The following NHEJ1 variants were observed in gnomAD, a reference collection of about 807,000 sequenced individuals.
NHEJ1 encodes the protein non-homologous end joining factor 1.
Under a neutral mutation model 39.4 loss-of-function variants are expected in NHEJ1, and 22 were observed. That is an observed-to-expected ratio of 0.56 (90% CI 0.40 to 0.80). NHEJ1 has a LOEUF of 0.80. Ranked by LOEUF, NHEJ1 falls within the 30% of genes least tolerant of loss-of-function variation. The pLI is 0.00. For synonymous variants in NHEJ1, 154 were observed against 135.6 expected (o/e 1.14, Z -0.94); for missense variants, 329 against 357.1 (o/e 0.92, Z 0.63).
At chr2:219,120,328 A>C (rs988379824) in intron 5 of NHEJ1, among the ~76,000 whole-genome samples, 6 of 152,240 alleles carry the variant, frequency 3.9e-5, no homozygotes, top group Admixed American at 1.3e-4. Context: ...AGGATCATTT[A>C]TCTGACTCAA....
intron 5 of NHEJ1, among the ~76,000 whole-genome samples, chr2:219,101,838 G>C (rs970203226): frequency 1.3e-5 from 2 of 151,478 alleles, no homozygotes; most frequent in African/African-American, 4.9e-5. Flanking sequence ...CAATTCCCCT[G>C]CCTCAGCCTC....
At chr2:219,097,245 C>T (rs1401073379) in intron 5 of NHEJ1, among the ~76,000 whole-genome samples, 1 of 152,108 alleles carries the variant, frequency 6.6e-6, no homozygotes, top group Non-Finnish European at 1.5e-5. Flanking sequence ...GATGTAACCC[C>T]ATCATAAGTC....
At chr2:219,114,836 C>T (rs1325370004) in intron 5 of NHEJ1, among the ~76,000 whole-genome samples, 2 of 152,030 alleles carry the variant, frequency 1.3e-5, no homozygotes, top group Non-Finnish European at 2.9e-5. Flanking sequence ...CTCTGAAGTC[C>T]CTAGAGAGGC....
intron 5 of NHEJ1, among the ~76,000 whole-genome samples, chr2:219,113,743 C>T (rs1326635092): frequency 6.6e-6 from 1 of 152,164 alleles, no homozygotes; most frequent in East Asian, 1.9e-4. Flanking sequence ...GCCTAAGATC[C>T]TTGGCAAACC....
chr2:219,145,040 C>T (rs1452773818), intron 5 of NHEJ1, among the ~76,000 whole-genome samples: 1 of 152,040 alleles, frequency 6.6e-6, no homozygotes, highest in African/African-American at 2.4e-5. Flanking sequence ...CATGGCGAAA[C>T]CCCGTTTCTA....
In NHEJ1 at chr2:219,076,214, C is replaced by T; in HGVS notation, c.*167G>A. 2.1e-6 allele frequency: 3 copies of T among 1,458,206 alleles called. No homozygotes were observed. The highest frequency in any genetic ancestry group is 2.8e-5 in the African/African-American group (2 of 71,086). 90.3% of individuals were successfully genotyped at this position (1,458,206 alleles called of 1,614,324 possible). ...CTGGCTTCCACTTGAACAGGGAAGG[C>T]CAATTCCCTGTGGGCCTGTCAACAT... On this transcript the variant is annotated 3_prime_UTR_variant, in exon 8 of 8. Coordinates refer to ENST00000356853, the MANE Select transcript of NHEJ1 (RefSeq NM_024782.3).
intron 3 of NHEJ1, among the ~76,000 whole-genome samples, chr2:219,154,306 A>G (rs6436119): frequency 0.12 from 18,660 of 152,226 alleles, 1,129 homozygotes; most frequent in East Asian, 0.15. Context: ...TCGTATGAAG[A>G]TATATATACA....
intron 5 of NHEJ1, among the ~76,000 whole-genome samples, chr2:219,109,333 C>A (rs187240705): frequency 5.4e-4 from 82 of 152,326 alleles, no homozygotes; most frequent in Admixed American, 1.3e-3. Flanking sequence ...GGTCCCAAAT[C>A]TTTCCTCCCA....
chr2:219,080,814 G>A (rs562653766), intron 5 of NHEJ1, among the ~76,000 whole-genome samples: 35 of 151,820 alleles, frequency 2.3e-4, no homozygotes, highest in African/African-American at 8.2e-4. Flanking sequence ...CTGAGCTCAC[G>A]GTAGAGGCTC....
intron 5 of NHEJ1, among the ~76,000 whole-genome samples, chr2:219,079,202 T>C (rs191475426): frequency 2.8e-4 from 42 of 152,332 alleles, no homozygotes; most frequent in Non-Finnish European, 3.5e-4. Flanking sequence ...GTCCCAAACC[T>C]GGCTGCACTT....
At position 219,157,673 on chromosome 2, in the gene NHEJ1, C is replaced by A; in HGVS notation, c.189G>T (p.Lys63Asn). 1 of 1,613,360 alleles carries A rather than the reference C, an allele frequency of 6.2e-7. No individual in the cohort carries two copies. The highest frequency in any genetic ancestry group is 2.2e-5 in the East Asian group (1 of 44,888). Reference sequence around the variant, plus strand: ...AAGCTGCAGGAGGAGCAGTGAGCCGCTTGTTCAGCTCCTAAAGAGAGAGCA... The same window carrying A: ...AAGCTGCAGGAGGAGCAGTGAGCCGATTGTTCAGCTCCTAAAGAGAGAGCA... ...VVSQRAKELN[K>N]RLTAPPAAFL... The change falls in exon 3 of 8, where the codon AAG becomes AAT. Residue 63 changes from lysine (K) to asparagine (N), a missense_variant. Lys to Asn is a moderately conservative substitution (Grantham distance 94, BLOSUM62 0). Transcript: ENST00000356853.
chr2:219,084,698 A>G (rs1949096439), intron 5 of NHEJ1, among the ~76,000 whole-genome samples: 1 of 152,174 alleles, frequency 6.6e-6, no homozygotes, highest in Non-Finnish European at 1.5e-5. Context: ...CCATGGGATG[A>G]TATGTTAAAG....
chr2:219,116,573 T>C (rs1340333594), intron 5 of NHEJ1, among the ~76,000 whole-genome samples: 1 of 152,126 alleles, frequency 6.6e-6, no homozygotes, highest in Non-Finnish European at 1.5e-5. Flanking sequence ...GCCCAGGCTG[T>C]CTCGAACTAC....
intron 5 of NHEJ1, among the ~76,000 whole-genome samples, chr2:219,089,875 G>A (rs576293383): frequency 7.9e-4 from 120 of 152,194 alleles, no homozygotes; most frequent in African/African-American, 2.8e-3. Context: ...CAAAAGGCTT[G>A]GACAACTTTT....
intron 5 of NHEJ1, chr2:219,095,480 G>A: frequency 2.8e-6 from 1 of 354,716 alleles, no homozygotes. Context: ...TCACTTAATA[G>A]CTGTCTCCTT....
chr2:219,112,037 G>A (rs558370728), intron 5 of NHEJ1, among the ~76,000 whole-genome samples: 57 of 152,314 alleles, frequency 3.7e-4, no homozygotes, highest in African/African-American at 1.3e-3. Flanking sequence ...GTCTCTGAAA[G>A]TGGGGGTCAG....
intron 2 of NHEJ1, 139 bp downstream of exon 2, chr2:219,158,047 C>G (rs973632863): frequency 1.4e-6 from 1 of 730,332 alleles, no homozygotes; most frequent in African/African-American, 1.8e-5. Context: ...ACAAAGATTC[C>G]AGGCAGAAGT....
chr2:219,139,872 G>T (rs969833058), intron 5 of NHEJ1, among the ~76,000 whole-genome samples: 14 of 152,096 alleles, frequency 9.2e-5, no homozygotes, highest in Non-Finnish European at 1.8e-4. Flanking sequence ...TTAGAGACAG[G>T]GTTTCACCGT....
At chr2:219,106,942 A>G (rs542408080) in intron 5 of NHEJ1, among the ~76,000 whole-genome samples, 2 of 152,134 alleles carry the variant, frequency 1.3e-5, no homozygotes, top group Admixed American at 1.3e-4. Context: ...AAAAATATTC[A>G]TTTTTTCCTA....
Sources: gnomAD v4.1 joint callset for allele counts (sites outside exome capture counted in the v4.1 genomes callset) on GRCh38, gnomAD v4.1.1 for gene constraint, MANE v1.5 for transcripts, NCBI Gene and HGNC (gene_info 2026-07-23, HGNC 2026-07-21) for gene names.